The following ZBTB16 variants were observed in gnomAD, a reference collection of about 807,000 sequenced individuals.
ZBTB16 encodes the protein zinc finger and BTB domain containing 16, also known as zinc finger and BTB domain-containing protein 16.
Under a neutral mutation model 56.8 loss-of-function variants are expected in ZBTB16, and 8 were observed. The ratio of observed to expected loss-of-function variants is 0.14; its 90% CI spans 0.08 to 0.25. ZBTB16 has a LOEUF of 0.25. Among genes scored for constraint, ZBTB16 ranks in the 10% least tolerant of loss-of-function variants. The probability of loss-of-function intolerance (pLI) is 1.00; values close to 1 mark genes in which losing one functional copy is unlikely to be tolerated. For missense variants in ZBTB16, 625 were observed against 903.0 expected (o/e 0.69, Z 3.95); for synonymous variants, 363 against 368.5 (o/e 0.98, Z 0.17).
rs146504602 is a variant in ZBTB16, at chr11:114,176,988, G to T, written c.1367-9964G>T. On this transcript the variant is annotated intron_variant, in intron 3 of 6. Transcript: ENST00000335953. ...TTTATGCAGGCCATTTACTTATTGC[G>T]ATTGGGCTTCTCCCAGAGCTGTGGG... Among the ~76,000 whole-genome samples, 681 of 152,246 alleles carry T rather than the reference G, an allele frequency of 4.5e-3. 2 individuals are homozygous for T. The highest frequency in any genetic ancestry group is 0.015 in the African/African-American group (630 of 41,528).
At chr11:114,141,017 T>A (rs1301880735) in intron 2 of ZBTB16, among the ~76,000 whole-genome samples, 10 of 152,150 alleles carry the variant, frequency 6.6e-5, no homozygotes, top group African/African-American at 2.4e-4. Flanking sequence ...ACCAAAGTCC[T>A]CAGCATCAGT....
intron 4 of ZBTB16, among the ~76,000 whole-genome samples, chr11:114,240,329 A>G (rs2135195611): frequency 6.6e-6 from 1 of 152,228 alleles, no homozygotes; most frequent in East Asian, 1.9e-4. Context: ...TGCTATCTCC[A>G]TTGATGGCCA....
chr11:114,092,158 A>G (rs1591657061), intron 2 of ZBTB16, among the ~76,000 whole-genome samples: 1 of 152,320 alleles, frequency 6.6e-6, no homozygotes, highest in East Asian at 1.9e-4. Flanking sequence ...GCCTCACTGA[A>G]ACAGGAGACC....
intron 4 of ZBTB16, among the ~76,000 whole-genome samples, chr11:114,227,558 G>T (rs865983520): frequency 1.3e-5 from 2 of 152,162 alleles, no homozygotes; most frequent in African/African-American, 2.4e-5. Flanking sequence ...AAGTGAGGTC[G>T]CAGCTCTCAT....
intron 4 of ZBTB16, among the ~76,000 whole-genome samples, chr11:114,199,991 G>T (rs1288519830): frequency 1.3e-5 from 2 of 152,070 alleles, no homozygotes; most frequent in African/African-American, 2.4e-5. Flanking sequence ...AGCCGGGCTT[G>T]GTGGCGGGCA....
At chr11:114,148,535 C>T (rs1273081993) in intron 2 of ZBTB16, among the ~76,000 whole-genome samples, 1 of 149,168 alleles carries the variant, frequency 6.7e-6, no homozygotes, top group South Asian at 2.1e-4. Context: ...GTTCTGTCAC[C>T]TAGGCTGGAG....
At chr11:114,145,070 C>T (rs949809661) in intron 2 of ZBTB16, among the ~76,000 whole-genome samples, 1 of 152,210 alleles carries the variant, frequency 6.6e-6, no homozygotes, top group Non-Finnish European at 1.5e-5. Flanking sequence ...GTCATGTCTG[C>T]AGATGAAGAT....
At chr11:114,066,193 G>A (rs1359044975) in intron 2 of ZBTB16, among the ~76,000 whole-genome samples, 1 of 152,214 alleles carries the variant, frequency 6.6e-6, no homozygotes, top group African/African-American at 2.4e-5. Flanking sequence ...AGGGGTTGGG[G>A]TGGGGATATC....
At chr11:114,179,455 C>T (rs1943195083) in intron 3 of ZBTB16, among the ~76,000 whole-genome samples, 1 of 152,190 alleles carries the variant, frequency 6.6e-6, no homozygotes, top group Non-Finnish European at 1.5e-5. Context: ...TGCCCTGCGT[C>T]TGTACTCATT....
intron 4 of ZBTB16, among the ~76,000 whole-genome samples, chr11:114,212,311 T>TGAAA (rs756553089): frequency 2.6e-5 from 4 of 152,060 alleles, no homozygotes; most frequent in East Asian, 1.9e-4. Context: ...GGAGTGACTT[T>TGAAA]GAAAGAAAGA....
At chr11:114,246,747 A>G in intron 5 of ZBTB16, 1 of 213,746 alleles carries the variant, frequency 4.7e-6, no homozygotes, top group Non-Finnish European at 9.6e-6. Context: ...GAAATTGGGG[A>G]CTGTAGAAGG....
At chr11:114,176,121 G>A (rs1313252959) in intron 3 of ZBTB16, among the ~76,000 whole-genome samples, 1 of 152,054 alleles carries the variant, frequency 6.6e-6, no homozygotes, top group Non-Finnish European at 1.5e-5. Flanking sequence ...ATGAGGATGA[G>A]AGGAGACCGA....
At chr11:114,095,245 C>CTTTTTT (rs745895999) in intron 2 of ZBTB16, among the ~76,000 whole-genome samples, 23 of 90,466 alleles carry the variant, frequency 2.5e-4, no homozygotes, top group African/African-American at 8.7e-4. Flanking sequence ...CTTTTCTTTT[C>CTTTTTT]TTTTTTTTTT....
chr11:114,119,860 G>A (rs763794509), intron 2 of ZBTB16, among the ~76,000 whole-genome samples: 2 of 152,308 alleles, frequency 1.3e-5, no homozygotes, highest in Non-Finnish European at 2.9e-5. Flanking sequence ...GCGGTGGAGC[G>A]AGGATCTTGA....
chr11:114,169,399 G>T (rs1942889660), intron 3 of ZBTB16, among the ~76,000 whole-genome samples: 1 of 152,150 alleles, frequency 6.6e-6, no homozygotes, highest in Non-Finnish European at 1.5e-5. Context: ...TCTTCCCCAG[G>T]CACGCGCTGG....
chr11:114,142,938 T>G (rs1565648403), intron 2 of ZBTB16, among the ~76,000 whole-genome samples: 1 of 152,102 alleles, frequency 6.6e-6, no homozygotes, highest in Non-Finnish European at 1.5e-5. Flanking sequence ...AAAGGACATT[T>G]TTATGTGTGG....
At chr11:114,134,326 T>A (rs1303674293) in intron 2 of ZBTB16, among the ~76,000 whole-genome samples, 1 of 152,188 alleles carries the variant, frequency 6.6e-6, no homozygotes, top group Non-Finnish European at 1.5e-5. Context: ...TATTTTCACA[T>A]GACAGCTTCG....
chr11:114,067,579 G>C lies in ZBTB16; in HGVS notation c.1268+3011G>C, dbSNP rs182296971. Among the ~76,000 whole-genome samples the C allele has an allele frequency of 4.6e-3, 695 of 152,188 alleles. 2 individuals are homozygous for C. Among genetic ancestry groups the C allele is most frequent in the Non-Finnish European group, 7.2e-3 (493 of 68,004 alleles). ...GTACCACCATGCCCGACTAATTTTT[G>C]TATTTTTAGTAGAGATGGGGTTTCA... On this transcript the variant is annotated intron_variant, in intron 2 of 6. Coordinates refer to ENST00000335953, the MANE Select transcript of ZBTB16 (RefSeq NM_006006.6).
chr11:114,088,555 C>A (rs1026216760), intron 2 of ZBTB16, among the ~76,000 whole-genome samples: 1 of 152,178 alleles, frequency 6.6e-6, no homozygotes, highest in Non-Finnish European at 1.5e-5. Flanking sequence ...TCCACTGCTC[C>A]CCTTCAGAGT....
Sources: allele counts gnomAD v4.1 joint callset (sites outside exome capture counted in the v4.1 genomes callset), GRCh38; gene constraint gnomAD v4.1.1; transcripts MANE v1.5; gene names NCBI Gene and HGNC (gene_info 2026-07-23, HGNC 2026-07-21).